ZZEF1: variants seen among roughly 807,000 people sequenced by gnomAD.
ZZEF1 encodes the protein zinc finger ZZ-type and EF-hand domain-containing protein 1.
In ZZEF1, 157 loss-of-function variants were observed where a neutral mutation model predicts 342.8. The observed-to-expected ratio is 0.46, with a 90% confidence interval of 0.40 to 0.52. The LOEUF is 0.52. ZZEF1 is among the 20% of genes least tolerant of loss of function. The pLI is 0.00. For synonymous variants in ZZEF1, 1,505 were observed against 1,429.1 expected, an observed-to-expected ratio of 1.05 and a Z score of -1.20; for missense variants, 3,480 against 3,725.6, an observed-to-expected ratio of 0.93 and a Z score of 1.72.
Position 4,008,510 on chromosome 17 carries a change from G to A in ZZEF1, c.8805+373C>T, listed in dbSNP as rs575729561. 8 of 1,028,012 alleles carry A rather than the reference G, an allele frequency of 7.8e-6. No homozygotes were observed. Among genetic ancestry groups the A allele is most frequent in the Admixed American group, 5.5e-5 (1 of 18,192 alleles). The allele number at this position is 1,028,012 out of a possible 1,614,324, so 63.7% of individuals were successfully genotyped here. ...CCTCAGTCAGTGAAAAGTGTGAAGC[G>A]TCCTGAGACCAAACAGCTGTCAGAA... On this transcript the variant is annotated intron_variant, in intron 54 of 54. Transcript: ENST00000381638. The surrounding 1 kb of genome is among the most constrained non-coding windows in gnomAD (Gnocchi z 4.2).
In ZZEF1 at chr17:4,032,272, G is replaced by C; in HGVS notation, c.6760-14C>G. On this transcript the variant is annotated splice_polypyrimidine_tract_variant and intron_variant, in intron 41 of 54. Coordinates refer to ENST00000381638, the MANE Select transcript of ZZEF1 (RefSeq NM_015113.4). ...CACACAGAGGACCTAGAACGTGGTA[G>C]ACAGAGACAGAAAGGCAACTCAAAC... 1 of 1,604,464 alleles carries C rather than the reference G, an allele frequency of 6.2e-7. No homozygotes were observed. Among genetic ancestry groups the C allele is most frequent in the Non-Finnish European group, 8.5e-7 (1 of 1,177,370 alleles).
At chr17:4,108,381 G>C (rs969207205) in intron 6 of ZZEF1, among the ~76,000 whole-genome samples, 2 of 152,136 alleles carry the variant, frequency 1.3e-5, no homozygotes, top group Admixed American at 6.5e-5. Context: ...CAAAATAACT[G>C]ACCTGTAATT....
chr17:4,100,631 C>A (rs62071003), intron 9 of ZZEF1, among the ~76,000 whole-genome samples: 1 of 152,112 alleles, frequency 6.6e-6, no homozygotes, highest in Non-Finnish European at 1.5e-5. Context: ...GTCAGGAGAT[C>A]GAGACCATCC....
intron 1 of ZZEF1, among the ~76,000 whole-genome samples, chr17:4,133,677 A>G (rs1195936110): frequency 6.6e-6 from 1 of 151,990 alleles, no homozygotes; most frequent in African/African-American, 2.4e-5. Context: ...GCTAATAAAA[A>G]TTCTATATAA....
At chr17:4,028,379 C>T (rs190533405) in intron 42 of ZZEF1, among the ~76,000 whole-genome samples, 2 of 152,126 alleles carry the variant, frequency 1.3e-5, no homozygotes, top group Non-Finnish European at 2.9e-5. Flanking sequence ...AAAACCCTAT[C>T]TCTACTAAAA....
In ZZEF1 at chr17:4,049,759, C is replaced by T; in HGVS notation, c.5964G>A (p.Glu1988=). ...PVTVPTGASE[E]QLEKKAVQGA... is the part of the protein sequence containing the mutation. Reference sequence around the variant, plus strand: ...CCTGGACAGCTTTCTTCTCTAGCTGCTCCTCTGACGCTCCGGTGGGCACAG... The same window carrying T: ...CCTGGACAGCTTTCTTCTCTAGCTGTTCCTCTGACGCTCCGGTGGGCACAG... The change falls in exon 37 of 55, where the codon GAG becomes GAA. Residue 1988 remains glutamate, a synonymous_variant. Transcript: ENST00000381638. The T allele has an allele frequency of 1.9e-6, 3 of 1,614,176 alleles. No individual in the cohort carries two copies. The highest frequency in any genetic ancestry group is 2.2e-5 in the South Asian group (2 of 91,084).
intron 5 of ZZEF1, among the ~76,000 whole-genome samples, chr17:4,112,225 A>AAG: frequency 6.6e-6 from 1 of 150,838 alleles, no homozygotes; most frequent in Admixed American, 6.6e-5. Context: ...AGCTCACTGC[A>AAG]GCCATAGCTT....
intron 2 of ZZEF1, among the ~76,000 whole-genome samples, chr17:4,119,608 G>C (rs1187097970): frequency 1.3e-5 from 2 of 152,152 alleles, no homozygotes; most frequent in Non-Finnish European, 2.9e-5. Flanking sequence ...CCTTTCATTG[G>C]AGGTCAGCCA....
intron 2 of ZZEF1, among the ~76,000 whole-genome samples, chr17:4,123,652 T>C (rs530168172): frequency 6.6e-6 from 1 of 152,194 alleles, no homozygotes; most frequent in African/African-American, 2.4e-5. Flanking sequence ...GGAGGGCTTC[T>C]GTAGTGAAAT....
At chr17:4,111,140 C>T (rs1270233115) in intron 5 of ZZEF1, among the ~76,000 whole-genome samples, 2 of 152,062 alleles carry the variant, frequency 1.3e-5, no homozygotes, top group African/African-American at 4.8e-5. Flanking sequence ...TTTATGTGAA[C>T]AGATACATAC....
chr17:4,046,145 G>A (rs1441109323), intron 37 of ZZEF1, among the ~76,000 whole-genome samples: 2 of 152,134 alleles, frequency 1.3e-5, no homozygotes, highest in Non-Finnish European at 2.9e-5. Flanking sequence ...TTAAAAAACA[G>A]AATAAACATA....
intron 27 of ZZEF1, 54 bp downstream of exon 27, chr17:4,067,109 T>C: frequency 1.4e-6 from 2 of 1,416,878 alleles, no homozygotes; most frequent in East Asian, 2.3e-5. Context: ...AATTCCATGA[T>C]ATCACGGTAG....
rs1567880509 is a variant in ZZEF1, at chr17:4,142,691, A to C, written c.205T>G (p.Cys69Gly). Residue 69 changes from cysteine to glycine, a missense_variant, in exon 1 of 55, where the codon TGC becomes GGC. Physicochemically the swap from Cys to Gly is radical, Grantham distance 159 (BLOSUM62 -3). Around this residue, in one of 5 missense-constraint regions of ZZEF1, gnomAD observed 416 missense variants for 374.2 expected, o/e 1.11. Transcript: ENST00000381638. ...AAAALLPTPP[C>G]ESLVSRHRGA... ...CGATGCCTCGACACCAGCGACTCGC[A>C]GGGGGGTGTGGGCAGCAACGCTGCA... is the stretch of plus-strand genomic sequence containing the variant. The C allele has an allele frequency of 6.2e-7, 1 of 1,604,702 alleles. No homozygotes were observed. The highest frequency in any genetic ancestry group is 2.2e-5 in the East Asian group (1 of 44,662).
At position 4,008,653 on chromosome 17, in the gene ZZEF1, GAC is replaced by G. The variant is rs2055864550; in HGVS notation, c.8805+228_8805+229del. ...AGGCATCGGTTGTTTTGGTTTTAAA[GAC>G]ACAAATTCTTCTGACCCCACAGTTT... On this transcript the variant is annotated intron_variant, in intron 54 of 54. Coordinates refer to ENST00000381638, the MANE Select transcript of ZZEF1 (RefSeq NM_015113.4). This position sits in a 1 kb window ranked among gnomAD's most constrained non-coding sequence, Gnocchi z 4.2. 2 of 1,238,984 alleles carry G rather than the reference GAC, an allele frequency of 1.6e-6. No individual in the cohort carries two copies. Among genetic ancestry groups the G allele is most frequent in the Non-Finnish European group, 1.0e-6 (1 of 989,578 alleles). The allele number at this position is 1,238,984 out of a possible 1,614,324, so 76.7% of individuals were successfully genotyped here.
At chr17:4,139,424 G>A (rs1208915708) in intron 1 of ZZEF1, among the ~76,000 whole-genome samples, 1 of 152,136 alleles carries the variant, frequency 6.6e-6, no homozygotes, top group Non-Finnish European at 1.5e-5. Context: ...AACGAATGAC[G>A]GAAACAACTT....
intron 46 of ZZEF1, 56 bp downstream of exon 46, chr17:4,019,613 C>T (rs1463664814): frequency 1.1e-5 from 17 of 1,503,862 alleles, no homozygotes; most frequent in East Asian, 6.9e-5. Flanking sequence ...CACACCCTCC[C>T]GCCCTCACAT....
rs770343170 is a variant in ZZEF1 at position 4,017,744 on chromosome 17, A to G, written c.7642-14T>C. 6.2e-7 allele frequency: 1 copy of G among 1,611,002 alleles called. No homozygotes were observed. The highest frequency in any genetic ancestry group is 8.5e-7 in the Non-Finnish European group (1 of 1,178,344). ...TGCAGGCCGGGACTGCAAACCCAAG[A>G]CCACCATTACAGAGGTCTAGCCTTC... On this transcript the variant is annotated splice_polypyrimidine_tract_variant and intron_variant, in intron 47 of 54. Coordinates refer to ENST00000381638, the MANE Select transcript of ZZEF1 (RefSeq NM_015113.4). This position sits in a 1 kb window ranked among gnomAD's most constrained non-coding sequence, Gnocchi z 5.1.
At chr17:4,141,722 A>G (rs1307194657) in intron 1 of ZZEF1, among the ~76,000 whole-genome samples, 1 of 3,398 alleles carries the variant, frequency 2.9e-4, no homozygotes, top group East Asian at 0.25. Flanking sequence ...GAAAGAAAGA[A>G]AAAAAAAAAA....
chr17:4,095,478 A>G (rs1365743238), intron 11 of ZZEF1, among the ~76,000 whole-genome samples: 4 of 152,164 alleles, frequency 2.6e-5, no homozygotes, highest in African/African-American at 9.7e-5. Flanking sequence ...TAGGTACTTA[A>G]TAAGTATTTG....
Sources: gnomAD v4.1 joint callset for allele counts (sites outside exome capture counted in the v4.1 genomes callset) on GRCh38, gnomAD v4.1.1 for gene constraint, gnomAD v4.1.1 regional missense constraint, Gnocchi (gnomAD v3.1) non-coding constraint, MANE v1.5 for transcripts, NCBI Gene and HGNC (gene_info 2026-07-23, HGNC 2026-07-21) for gene names.